ARHGAP35: variants seen among roughly 807,000 people sequenced by gnomAD.
ARHGAP35 encodes the protein Rho GTPase activating protein 35.
ARHGAP35 carries 15 observed loss-of-function variants against 111.1 expected under a neutral mutation model. The ratio of observed to expected loss-of-function variants is 0.13; its 90% confidence interval spans 0.09 to 0.21. ARHGAP35 has a LOEUF of 0.21. Among genes scored for constraint, ARHGAP35 ranks in the 10% least tolerant of loss-of-function variants. The probability of loss-of-function intolerance (pLI) is 1.00; values close to 1 mark genes in which losing one functional copy is unlikely to be tolerated. For missense variants in ARHGAP35, 1,262 were observed against 1,873.0 expected, an observed-to-expected ratio of 0.67 and a Z score of 6.02; for synonymous variants, 643 against 710.3, an observed-to-expected ratio of 0.91 and a Z score of 1.51.
Position 46,871,663 on chromosome 19 carries a change from A to G in ARHGAP35, c.-189+10454A>G, listed in dbSNP as rs188957620. ...CGTCCAGCAATGTTTTAAGAAACGTACAATCCTTGATCTACTTATAAGAAT... is the reference window on the plus strand; with the variant it reads ...CGTCCAGCAATGTTTTAAGAAACGTGCAATCCTTGATCTACTTATAAGAAT... On this transcript the variant is annotated intron_variant, in intron 1 of 6. Transcript: ENST00000672722. 5.9e-5 allele frequency among the ~76,000 whole-genome samples: 9 copies of G among 151,930 alleles called. 1 individual carries two copies. In the East Asian group the frequency reaches 1.2e-3, roughly 20 times the overall value.
chr19:46,952,373 G>A (rs1292203468), intron 3 of ARHGAP35, among the ~76,000 whole-genome samples: 2 of 152,280 alleles, frequency 1.3e-5, no homozygotes, highest in African/African-American at 4.8e-5. Flanking sequence ...TTTATCTTAT[G>A]AAAAGTAAGC....
At chr19:46,899,529 AC>A (rs1015713456) in intron 1 of ARHGAP35, among the ~76,000 whole-genome samples, 1 of 151,804 alleles carries the variant, frequency 6.6e-6, no homozygotes, top group African/African-American at 2.4e-5. Context: ...CCTTGTCTCT[AC>A]AAAAAAAATA....
chr19:46,881,320 A>C (rs1394650487), intron 1 of ARHGAP35, among the ~76,000 whole-genome samples: 2 of 152,210 alleles, frequency 1.3e-5, no homozygotes, highest in East Asian at 3.8e-4. Flanking sequence ...AGATCCATCA[A>C]AGGAATCACT....
At position 46,919,949 on chromosome 19, in the gene ARHGAP35, A is replaced by G. The variant is rs911940675; in HGVS notation, c.1274A>G (p.Asn425Ser). ...LYEAHLEKLR[N>S]ERKRVEMRRA... is the part of the protein sequence containing the mutation. ...GAGGCCCACTTAGAGAAGCTGAGGA[A>G]CGAAAGGAAAAGAGTTGAGATGCGA... is the stretch of plus-strand genomic sequence containing the variant. Residue 425 changes from asparagine (N) to serine (S), a missense_variant, in exon 2 of 7, where the codon AAC (asparagine) becomes AGC (serine). Asn to Ser is a conservative substitution (Grantham distance 46). Around this residue, in one of 8 missense-constraint regions of ARHGAP35, gnomAD observed 328 missense variants for 440.8 expected, o/e 0.74. Coordinates refer to ENST00000672722, the MANE Select transcript of ARHGAP35 (RefSeq NM_004491.5). The surrounding 1 kb of genome is among the most constrained non-coding windows in gnomAD (Gnocchi z 6.2). 6.2e-7 allele frequency: 1 copy of G among 1,614,022 alleles called. No homozygotes were observed. The highest frequency in any genetic ancestry group is 1.3e-5 in the African/African-American group (1 of 75,050).
chr19:46,943,831 C>T (rs889084336), intron 3 of ARHGAP35, among the ~76,000 whole-genome samples: 8 of 152,072 alleles, frequency 5.3e-5, no homozygotes, highest in East Asian at 1.9e-4. Context: ...AAATTTATGC[C>T]GCAGGGCCTT....
At chr19:46,903,783 C>G (rs1008275597) in intron 1 of ARHGAP35, among the ~76,000 whole-genome samples, 1 of 152,190 alleles carries the variant, frequency 6.6e-6, no homozygotes, top group Non-Finnish European at 1.5e-5. Flanking sequence ...AAAGGAAAAT[C>G]ATGAAGCTAG....
In ARHGAP35 at chr19:47,001,183, G is replaced by A. The variant is rs979093511; in HGVS notation, c.*495G>A. The A allele has an allele frequency of 3.4e-5, 42 of 1,243,526 alleles. No homozygotes were observed. The highest frequency in any genetic ancestry group is 8.1e-5 in the South Asian group (6 of 73,726). The allele number at this position is 1,243,526 out of a possible 1,614,324, so 77.0% of individuals were successfully genotyped here. On this transcript the variant is annotated 3_prime_UTR_variant, in exon 7 of 7. Transcript: ENST00000672722. This position sits in a 1 kb window ranked among gnomAD's most constrained non-coding sequence, Gnocchi z 5.4. ...AAGGTAAGGGTACAGCCCGGCTGGC[G>A]GCCTCCTTGGGAACGTGTAGGCCAC...
intron 3 of ARHGAP35, among the ~76,000 whole-genome samples, chr19:46,977,679 G>C (rs1026559433): frequency 4.6e-5 from 7 of 152,218 alleles, no homozygotes; most frequent in Non-Finnish European, 1.0e-4. Context: ...TTCACATGGT[G>C]CCCAGGGCTG....
chr19:46,982,184 CTG>C lies in ARHGAP35; in HGVS notation c.3827-5801_3827-5800del, dbSNP rs999236988. 2.1e-3 allele frequency among the ~76,000 whole-genome samples: 316 copies of C among 149,172 alleles called. 1 individual carries two copies. The highest frequency in any genetic ancestry group is 7.2e-3 in the African/African-American group (296 of 40,844). The stretch of plus-strand genomic sequence containing the variant: ...TTTTGTGGAAGACCAAGACTGAAAA[CTG>C]TGTAAAGGAGCCGGGTGCGGTGGCT... On this transcript the variant is annotated intron_variant, in intron 3 of 6. Coordinates refer to ENST00000672722, the MANE Select transcript of ARHGAP35 (RefSeq NM_004491.5).
intron 3 of ARHGAP35, among the ~76,000 whole-genome samples, chr19:46,954,830 C>A (rs945530100): frequency 3.9e-5 from 6 of 152,208 alleles, no homozygotes; most frequent in African/African-American, 1.4e-4. Context: ...ATCAGTGTTT[C>A]TGTTCTGTGA....
intron 3 of ARHGAP35, among the ~76,000 whole-genome samples, chr19:46,954,036 G>A (rs1316429546): frequency 6.6e-6 from 1 of 152,092 alleles, no homozygotes; most frequent in Non-Finnish European, 1.5e-5. Flanking sequence ...TCACTCCTTA[G>A]AAGAAGAGAC....
chr19:46,915,964 C>G (rs2056160574), intron 1 of ARHGAP35, among the ~76,000 whole-genome samples: 1 of 125,944 alleles, frequency 7.9e-6, no homozygotes, highest in Non-Finnish European at 1.6e-5. Context: ...AAGATGGAGT[C>G]TCGCTCTGTC....
At chr19:46,958,277 C>T (rs1036908132) in intron 3 of ARHGAP35, among the ~76,000 whole-genome samples, 2 of 150,594 alleles carry the variant, frequency 1.3e-5, no homozygotes, top group Non-Finnish European at 3.0e-5. Context: ...CCAGCTACTC[C>T]GGAGGCTGAG....
chr19:46,988,398 G>T lies in ARHGAP35; in HGVS notation c.3904+332G>T. 6.5e-6 allele frequency: 2 copies of T among 308,728 alleles called. No individual in the cohort carries two copies. Among genetic ancestry groups the T allele is most frequent in the East Asian group, 1.6e-4 (2 of 12,192 alleles). 19.1% of individuals were successfully genotyped at this position (308,728 alleles called of 1,614,324 possible). On this transcript the variant is annotated intron_variant, in intron 4 of 6. Transcript: ENST00000672722. This position sits in a 1 kb window ranked among gnomAD's most constrained non-coding sequence, Gnocchi z 5.4. ...CCTGTTTTCCCATGCAGAGCTAGTT[G>T]CAGGCACATGATATACAAGTCGGGT... is the stretch of plus-strand genomic sequence containing the variant.
intron 1 of ARHGAP35, among the ~76,000 whole-genome samples, chr19:46,882,240 C>G (rs981777071): frequency 1.3e-5 from 2 of 150,042 alleles, no homozygotes; most frequent in Non-Finnish European, 3.0e-5. Context: ...CTCAAGCAGT[C>G]CCCCCACCTC....
intron 1 of ARHGAP35, among the ~76,000 whole-genome samples, chr19:46,865,182 G>C (rs552159617): frequency 4.6e-5 from 7 of 152,318 alleles, no homozygotes; most frequent in Admixed American, 2.0e-4. Context: ...TTCTGGCACA[G>C]TTAATATGCC....
At chr19:46,873,198 C>G (rs181048311) in intron 1 of ARHGAP35, among the ~76,000 whole-genome samples, 3 of 152,208 alleles carry the variant, frequency 2.0e-5, no homozygotes, top group Admixed American at 2.0e-4. Context: ...TTTACACTTT[C>G]CAGAATGCTT....
chr19:46,872,558 T>C (rs1284451940), intron 1 of ARHGAP35, among the ~76,000 whole-genome samples: 1 of 152,122 alleles, frequency 6.6e-6, no homozygotes, highest in Non-Finnish European at 1.5e-5. Context: ...AGGTAAGGCA[T>C]TCACCCTTTC....
At chr19:46,958,258 C>T (rs533017241) in intron 3 of ARHGAP35, among the ~76,000 whole-genome samples, 5 of 151,942 alleles carry the variant, frequency 3.3e-5, no homozygotes, top group Non-Finnish European at 5.9e-5. Flanking sequence ...GTGGCGGGCG[C>T]CTGTAGTCCC....
Sources: gnomAD v4.1 joint callset for allele counts (sites outside exome capture counted in the v4.1 genomes callset) on GRCh38, gnomAD v4.1.1 for gene constraint, gnomAD v4.1.1 regional missense constraint, Gnocchi (gnomAD v3.1) non-coding constraint, MANE v1.5 for transcripts, NCBI Gene and HGNC (gene_info 2026-07-23, HGNC 2026-07-21) for gene names.